The following COL4A3 variants were observed in gnomAD, a reference collection of about 807,000 sequenced individuals.
COL4A3 encodes the protein collagen type IV alpha 3 chain.
Under a neutral mutation model 217.4 loss-of-function variants are expected in COL4A3, and 135 were observed. That is an observed-to-expected ratio of 0.62 (90% CI 0.54 to 0.72). The LOEUF is 0.72. Among genes scored for constraint, COL4A3 ranks in the 30% least tolerant of loss-of-function variants. The pLI is 0.00. For synonymous variants in COL4A3, 690 were observed against 736.3 expected, an observed-to-expected ratio of 0.94 and a Z score of 1.02; for missense variants, 1,868 against 2,119.9, an observed-to-expected ratio of 0.88 and a Z score of 2.33.
chr2:227,200,847 T>G (rs1302720497), intron 1 of COL4A3, among the ~76,000 whole-genome samples: 4 of 152,212 alleles, frequency 2.6e-5, no homozygotes, highest in Admixed American at 6.5e-5. Context: ...AATTACATGT[T>G]CAATTACAAT....
chr2:227,269,937 G>T lies in COL4A3; in HGVS notation c.1532G>T (p.Gly511Val). Residue 511 changes from glycine (G) to valine (V), a missense_variant, in exon 24 of 52, where the codon GGA (glycine) becomes GTA (valine). Coordinates refer to ENST00000396578, the MANE Select transcript of COL4A3 (RefSeq NM_000091.5). ...AGACAAGGCGCAGCTGGCTTGAAAG[G>T]AAGCCCAGGGTCCCCAGGAAATACA... ...PGRQGAAGLK[G>V]SPGSPGNTGL... 1 of 1,613,924 alleles carries T rather than the reference G, an allele frequency of 6.2e-7. No individual in the cohort carries two copies. The highest frequency in any genetic ancestry group is 8.5e-7 in the Non-Finnish European group (1 of 1,179,876).
At chr2:227,169,014 A>G (rs920919543) in intron 1 of COL4A3, among the ~76,000 whole-genome samples, 2 of 150,914 alleles carry the variant, frequency 1.3e-5, no homozygotes, top group African/African-American at 4.9e-5. Context: ...AGCATTAGGT[A>G]TATCTCCTAA....
chr2:227,172,669 C>G (rs888271319), intron 1 of COL4A3, among the ~76,000 whole-genome samples: 1 of 146,788 alleles, frequency 6.8e-6, no homozygotes, highest in Non-Finnish European at 1.5e-5. Flanking sequence ...TCACTGCAAC[C>G]TCTGCCTCCT....
At chr2:227,201,816 G>A (rs755231522) in intron 1 of COL4A3, among the ~76,000 whole-genome samples, 12 of 152,200 alleles carry the variant, frequency 7.9e-5, no homozygotes, top group Non-Finnish European at 1.5e-4. Flanking sequence ...GAAATGGATA[G>A]CCAGATTAAT....
At chr2:227,167,669 T>C (rs62277813) in intron 1 of COL4A3, among the ~76,000 whole-genome samples, 39,772 of 152,164 alleles carry the variant, frequency 0.26, 5,545 homozygotes, top group South Asian at 0.36. Context: ...CCGGGCTTCA[T>C]TTTCAAATTT....
intron 1 of COL4A3, among the ~76,000 whole-genome samples, chr2:227,193,016 T>A (rs2066303712): frequency 1.3e-5 from 2 of 152,284 alleles, no homozygotes; most frequent in South Asian, 2.1e-4. Context: ...TACTTTCAAT[T>A]TCTATATTTA....
At position 227,308,820 on chromosome 2, in the gene COL4A3, A is replaced by T. The variant is rs1220634937; in HGVS notation, c.4463-79A>T. On this transcript the variant is annotated intron_variant, in intron 48 of 51. Coordinates refer to ENST00000396578, the MANE Select transcript of COL4A3 (RefSeq NM_000091.5). Reference sequence around the variant, plus strand: ...CCAGCTTTTGCTGCAGGTTACATTTAAATTAGCTTCTCTCTAGTAACGATG... The same window carrying T: ...CCAGCTTTTGCTGCAGGTTACATTTTAATTAGCTTCTCTCTAGTAACGATG... The T allele has an allele frequency of 9.0e-6, 13 of 1,439,938 alleles. No individual in the cohort carries two copies. The Admixed American group carries it at 2.0e-4, about 22-fold the overall frequency. 89.2% of individuals were successfully genotyped at this position (1,439,938 alleles called of 1,614,324 possible).
At chr2:227,165,655 G>A (rs532270565) in intron 1 of COL4A3, among the ~76,000 whole-genome samples, 2 of 152,204 alleles carry the variant, frequency 1.3e-5, no homozygotes, top group South Asian at 4.2e-4. Flanking sequence ...ACGTGGCATA[G>A]GAAATTTCAT....
intron 1 of COL4A3, among the ~76,000 whole-genome samples, chr2:227,174,849 G>A (rs1559794524): frequency 6.6e-6 from 1 of 152,120 alleles, no homozygotes; most frequent in Non-Finnish European, 1.5e-5. Flanking sequence ...AAGGCCAGAC[G>A]CTAAGATAGA....
At chr2:227,300,743 G>A (rs1206854988) in intron 43 of COL4A3, among the ~76,000 whole-genome samples, 1 of 152,206 alleles carries the variant, frequency 6.6e-6, no homozygotes, top group Non-Finnish European at 1.5e-5. Flanking sequence ...TAGGAAGAAT[G>A]CAGGGGGCTG....
chr2:227,285,404 T>G (rs1411195963), intron 34 of COL4A3, among the ~76,000 whole-genome samples: 1 of 151,934 alleles, frequency 6.6e-6, no homozygotes, highest in Non-Finnish European at 1.5e-5. Context: ...AACCTGGTGT[T>G]GAAGAGACAC....
intron 1 of COL4A3, among the ~76,000 whole-genome samples, chr2:227,235,596 C>T (rs1442496319): frequency 6.6e-6 from 1 of 152,016 alleles, no homozygotes; most frequent in African/African-American, 2.4e-5. Flanking sequence ...CCCTCACCCC[C>T]TTTTACACTT....
In COL4A3 at chr2:227,243,458, G is replaced by A. The variant is rs893011554; in HGVS notation, c.235-862G>A. 5.3e-5 allele frequency among the ~76,000 whole-genome samples: 8 copies of A among 152,142 alleles called. 1 individual carries two copies. Among genetic ancestry groups the A allele is most frequent in the Admixed American group, 5.2e-4 (8 of 15,282 alleles). On this transcript the variant is annotated intron_variant, in intron 3 of 51. Transcript: ENST00000396578. ...CCTGCAAGTAAAACCTTCTGCTTTC[G>A]GCATCACGTGAATAGAATTCTGTGG...
chr2:227,173,039 A>T (rs2065547788), intron 1 of COL4A3, among the ~76,000 whole-genome samples: 1 of 152,214 alleles, frequency 6.6e-6, no homozygotes, highest in Non-Finnish European at 1.5e-5. Flanking sequence ...AGAAACTTTC[A>T]GTCCGTAACA....
intron 1 of COL4A3, chr2:227,221,446 T>TC (rs2067781709): frequency 2.1e-5 from 1 of 47,968 alleles, no homozygotes; most frequent in Admixed American, 2.2e-4. Flanking sequence ...TTTTTTTTTT[T>TC]CGCATTCATC....
At chr2:227,208,180 C>G (rs1409254734) in intron 1 of COL4A3, among the ~76,000 whole-genome samples, 1 of 152,206 alleles carries the variant, frequency 6.6e-6, no homozygotes, top group African/African-American at 2.4e-5. Flanking sequence ...GAATTCAGTT[C>G]ATGGTTTGAC....
At chr2:227,298,918 C>T (rs1211747199) in intron 43 of COL4A3, 106 bp downstream of exon 43, 16 of 1,093,542 alleles carry the variant, frequency 1.5e-5, no homozygotes, top group South Asian at 1.3e-4. Context: ...CTGTATTAGT[C>T]CATTCTCATG....
chr2:227,283,778 G>C lies in COL4A3; in HGVS notation c.2668G>C (p.Val890Leu). ...ATTTGTTTCCATAGGTGAAGATGGA[G>C]TGATTGGGATGATGGGCTTTCCTGG... The part of the protein sequence containing the change: ...GILGPPGEDG[V>L]IGMMGFPGAI... Residue 890 changes from valine to leucine, a missense_variant, in exon 33 of 52, where the codon GTG (valine) becomes CTG (leucine). This residue lies in a region of COL4A3 where 1,503 missense variants were observed against 1,786.1 expected (regional missense o/e 0.84). Coordinates refer to ENST00000396578, the MANE Select transcript of COL4A3 (RefSeq NM_000091.5). 1 of 1,614,172 alleles carries C rather than the reference G, an allele frequency of 6.2e-7. No homozygotes were observed. Among genetic ancestry groups the C allele is most frequent in the Non-Finnish European group, 8.5e-7 (1 of 1,179,978 alleles).
chr2:227,311,431 G>A (rs920673431), intron 51 of COL4A3, among the ~76,000 whole-genome samples: 1 of 150,080 alleles, frequency 6.7e-6, no homozygotes, highest in African/African-American at 2.5e-5. Context: ...CCAGGCTGGA[G>A]TGCAGTGGCG....
Sources: gnomAD v4.1 joint callset for allele counts (sites outside exome capture counted in the v4.1 genomes callset) on GRCh38, gnomAD v4.1.1 for gene constraint, gnomAD v4.1.1 regional missense constraint, MANE v1.5 for transcripts, NCBI Gene and HGNC (gene_info 2026-07-23, HGNC 2026-07-21) for gene names.